Variants in KCNA2 observed in about 807,000 individuals in gnomAD.
KCNA2 encodes potassium channel, voltage gated shaker related subfamily A, member 2.
In KCNA2, 11 loss-of-function variants were observed where a neutral mutation model predicts 33.4. The observed-to-expected ratio is 0.33, with a 90% confidence interval of 0.21 to 0.55. KCNA2 has a LOEUF of 0.55. KCNA2 is among the 20% of genes least tolerant of loss of function. KCNA2 has a pLI of 0.93. For synonymous variants in KCNA2, 222 were observed against 231.3 expected (o/e 0.96, Z 0.37); for missense variants, 291 against 621.6 (o/e 0.47, Z 5.66).
At position 110,615,790 on chromosome 1, in the gene KCNA2, G is replaced by A. The variant is rs1472692468; in HGVS notation, c.-495-10068C>T. On this transcript the variant is annotated intron_variant, in intron 1 of 4. Transcript: ENST00000369770. ...TGACTTAGGAGTGGAAGAGAGCCTG[G>A]GGCACAAACGACAGCTAGGAGGAGG... 2.6e-5 allele frequency among the ~76,000 whole-genome samples: 4 copies of A among 152,186 alleles called. No individual in the cohort carries two copies. In the South Asian group the frequency reaches 8.3e-4, roughly 32 times the overall value.
At chr1:110,618,864 C>A (rs577526149) in intron 1 of KCNA2, among the ~76,000 whole-genome samples, 1 of 152,188 alleles carries the variant, frequency 6.6e-6, no homozygotes, top group African/African-American at 2.4e-5. Flanking sequence ...TTATCTCTTC[C>A]GGCAGGCGAA....
upstream of KCNA2, among the ~76,000 whole-genome samples, chr1:110,607,063 C>T (rs1018604547): frequency 7.9e-5 from 12 of 151,986 alleles, no homozygotes; most frequent in Non-Finnish European, 1.5e-4. Context: ...GGTGCAAGTT[C>T]CCCTTGATCT....
Position 110,601,786 on chromosome 1 carries a change from A to ATGTGTG in KCNA2, c.*1496_*1497insCACACA, listed in dbSNP as rs1553180975. On this transcript the variant is annotated 3_prime_UTR_variant, in exon 3 of 3. Coordinates refer to ENST00000316361, the MANE Select transcript of KCNA2 (RefSeq NM_004974.4). ...TGAACTCCAGAAAATGAATATATAT[A>ATGTGTG]TATATATATGTGTGTGTGTGTGTGT... 4 of 1,160,662 alleles carry ATGTGTG rather than the reference A, an allele frequency of 3.4e-6. No homozygotes were observed. The highest frequency in any genetic ancestry group is 5.4e-5 in the Admixed American group (1 of 18,546). 71.9% of individuals were successfully genotyped at this position (1,160,662 alleles called of 1,614,324 possible).
rs376514916 is a variant in KCNA2 at position 110,594,840 on chromosome 1, C to G, written c.*8443G>C. The G allele has an allele frequency of 2.0e-6, 2 of 985,306 alleles. No individual in the cohort carries two copies. The allele number at this position is 985,306 out of a possible 1,614,324, so 61.0% of individuals were successfully genotyped here. A position where few individuals can be genotyped will look rare whatever the true frequency, so the allele number is the denominator to read the frequency against. Reference sequence around the variant, plus strand: ...TGGAGCTGATGTGCTCCTTTCCAGCCCCACCTGGCAGGTCAAAGTCCTTGC... The same window carrying G: ...TGGAGCTGATGTGCTCCTTTCCAGCGCCACCTGGCAGGTCAAAGTCCTTGC... On this transcript the variant is annotated 3_prime_UTR_variant, in exon 3 of 3. Transcript: ENST00000316361.
Position 110,601,680 on chromosome 1 carries a change from G to C in KCNA2, c.*1603C>G, listed in dbSNP as rs1649349924. ...GGCAATGGCAGCAAACCCAGGCCCA[G>C]TGGGGTTACCAATGAGACAAATTAA... On this transcript the variant is annotated 3_prime_UTR_variant, in exon 3 of 3. Transcript: ENST00000316361. 30 of 1,083,122 alleles carry C rather than the reference G, an allele frequency of 2.8e-5. No individual in the cohort carries two copies. The highest frequency in any genetic ancestry group is 3.0e-5 in the Non-Finnish European group (27 of 894,692). The allele number at this position is 1,083,122 out of a possible 1,614,324, so 67.1% of individuals were successfully genotyped here.
chr1:110,605,224 T>G (rs1047885203), intron 2 of KCNA2, among the ~76,000 whole-genome samples, 167 bp downstream of exon 2: 6 of 152,092 alleles, frequency 3.9e-5, no homozygotes, highest in African/African-American at 1.4e-4. Context: ...CATAACCCCA[T>G]GCTAATAGGT....
At position 110,601,339 on chromosome 1, in the gene KCNA2, T is replaced by A; in HGVS notation, c.*1944A>T. ...TTTGGTCCCAGGGAGTCCTACTCCTTGGTGTCCTTGGTTTCAAAGCAGGGG... is the reference window on the plus strand; with the variant it reads ...TTTGGTCCCAGGGAGTCCTACTCCTAGGTGTCCTTGGTTTCAAAGCAGGGG... On this transcript the variant is annotated 3_prime_UTR_variant, in exon 3 of 3. Coordinates refer to ENST00000316361, the MANE Select transcript of KCNA2 (RefSeq NM_004974.4). 1 of 985,412 alleles carries A rather than the reference T, an allele frequency of 1.0e-6. No individual in the cohort carries two copies. Among genetic ancestry groups the A allele is most frequent in the East Asian group, 1.1e-4 (1 of 8,810 alleles). 61.0% of individuals were successfully genotyped at this position (985,412 alleles called of 1,614,324 possible).
Position 110,601,933 on chromosome 1 carries a change from A to G in KCNA2, c.*1350T>C. On this transcript the variant is annotated 3_prime_UTR_variant, in exon 3 of 3. Coordinates refer to ENST00000316361, the MANE Select transcript of KCNA2 (RefSeq NM_004974.4). ...CAAAAATATTGCATAAGCTTGTACA[A>G]TGTTCAAATGCAATTTCTTTTCTAT... The G allele has an allele frequency of 6.7e-7, 1 of 1,488,894 alleles. No homozygotes were observed. The highest frequency in any genetic ancestry group is 1.3e-5 in the South Asian group (1 of 74,872). The allele number at this position is 1,488,894 out of a possible 1,614,324, so 92.2% of individuals were successfully genotyped here. A position where few individuals can be genotyped will look rare whatever the true frequency, so the allele number is the denominator to read the frequency against.
chr1:110,612,623 C>T (rs1397927757), intron 1 of KCNA2, among the ~76,000 whole-genome samples: 1 of 152,220 alleles, frequency 6.6e-6, no homozygotes, highest in Non-Finnish European at 1.5e-5. Context: ...TGTCTTCAGA[C>T]TTGTTCCCCT....
Position 110,604,677 on chromosome 1 carries a change from C to G in KCNA2, c.106G>C (p.Val36Leu). 6.2e-7 allele frequency: 1 copy of G among 1,614,180 alleles called. No homozygotes were observed. Among genetic ancestry groups the G allele is most frequent in the Non-Finnish European group, 8.5e-7 (1 of 1,180,028 alleles). ...AACCGCAGCCCTGAGATGTTGATCA[C>G]CACCCTCTCACAGCACTCGTGGTCT... is the stretch of plus-strand genomic sequence containing the variant. ...EADHECCERV[V>L]INISGLRFET... The change falls in exon 3 of 3, where the codon GTG becomes CTG. Residue 36 changes from valine (V) to leucine (L), a missense_variant. Val to Leu is a conservative substitution (Grantham distance 32). Transcript: ENST00000316361. The surrounding 1 kb of genome is among the most constrained non-coding windows in gnomAD (Gnocchi z 7.6).
chr1:110,616,110 G>A (rs550040848), intron 1 of KCNA2, among the ~76,000 whole-genome samples: 2 of 152,336 alleles, frequency 1.3e-5, no homozygotes, highest in South Asian at 4.1e-4. Context: ...ATGCTTTAAG[G>A]GTTCTGCATG....
chr1:110,602,676 G>T lies in KCNA2; in HGVS notation c.*607C>A. The T allele has an allele frequency of 1.0e-6, 1 of 994,156 alleles. No homozygotes were observed. Among genetic ancestry groups the T allele is most frequent in the Non-Finnish European group, 1.2e-6 (1 of 835,634 alleles). The allele number at this position is 994,156 out of a possible 1,614,324, so 61.6% of individuals were successfully genotyped here. On this transcript the variant is annotated 3_prime_UTR_variant, in exon 3 of 3. Coordinates refer to ENST00000316361, the MANE Select transcript of KCNA2 (RefSeq NM_004974.4). ...CCCGGGCTTCCCTCACATCGACACTGCAGAGAAAAAGCAGAATGCAGCATT... is the reference window on the plus strand; with the variant it reads ...CCCGGGCTTCCCTCACATCGACACTTCAGAGAAAAAGCAGAATGCAGCATT...
Position 110,599,552 on chromosome 1 carries a change from A to G in KCNA2, c.*3731T>C. On this transcript the variant is annotated 3_prime_UTR_variant, in exon 3 of 3. Transcript: ENST00000316361. ...CCCTTTGGGCTTATGCACAAGAGCA[A>G]GTGAAATGCCACAAGCAAGTAAAGG... is the stretch of plus-strand genomic sequence containing the variant. 2 of 985,484 alleles carry G rather than the reference A, an allele frequency of 2.0e-6. No homozygotes were observed. Among genetic ancestry groups the G allele is most frequent in the Non-Finnish European group, 2.4e-6 (2 of 829,958 alleles). The allele number at this position is 985,484 out of a possible 1,614,324, so 61.0% of individuals were successfully genotyped here. A position where few individuals can be genotyped will look rare whatever the true frequency, so the allele number is the denominator to read the frequency against.
chr1:110,601,995 C>T lies in KCNA2; in HGVS notation c.*1288G>A. ...TAGAGGAACGCGTGAAAGAGAGATA[C>T]TCGATATATATTTATATACACTGGA... On this transcript the variant is annotated 3_prime_UTR_variant, in exon 3 of 3. Coordinates refer to ENST00000316361, the MANE Select transcript of KCNA2 (RefSeq NM_004974.4). 2 of 1,538,418 alleles carry T rather than the reference C, an allele frequency of 1.3e-6. No homozygotes were observed. Among genetic ancestry groups the T allele is most frequent in the Non-Finnish European group, 1.8e-6 (2 of 1,138,886 alleles).
At position 110,594,306 on chromosome 1, in the gene KCNA2, TAC is replaced by T. The variant is rs1196673259; in HGVS notation, c.*8975_*8976del. The T allele has an allele frequency of 4.5e-6, 4 of 884,074 alleles. No individual in the cohort carries two copies. Among genetic ancestry groups the T allele is most frequent in the African/African-American group, 1.9e-5 (1 of 51,408 alleles). 54.8% of individuals were successfully genotyped at this position (884,074 alleles called of 1,614,324 possible). On this transcript the variant is annotated 3_prime_UTR_variant, in exon 3 of 3. Coordinates refer to ENST00000316361, the MANE Select transcript of KCNA2 (RefSeq NM_004974.4). ...CTCTCTCTCTCTCTATATATATATA[TAC>T]ATATATATATATATGTGTGTGTATA...
chr1:110,595,502 G>A lies in KCNA2; in HGVS notation c.*7781C>T. The A allele has an allele frequency of 1.0e-6, 1 of 985,388 alleles. No individual in the cohort carries two copies. The highest frequency in any genetic ancestry group is 1.2e-6 in the Non-Finnish European group (1 of 829,952). The allele number at this position is 985,388 out of a possible 1,614,324, so 61.0% of individuals were successfully genotyped here. A position where few individuals can be genotyped will look rare whatever the true frequency, so the allele number is the denominator to read the frequency against. On this transcript the variant is annotated 3_prime_UTR_variant, in exon 3 of 3. Transcript: ENST00000316361. ...CAGACACCCCTGCACCACTTCAATTGCTCCAGATACAGTGAAAAATCCCTC... is the reference window on the plus strand; with the variant it reads ...CAGACACCCCTGCACCACTTCAATTACTCCAGATACAGTGAAAAATCCCTC...
In KCNA2 at chr1:110,594,799, A is replaced by C; in HGVS notation, c.*8484T>G. 1.0e-6 allele frequency: 1 copy of C among 985,550 alleles called. No individual in the cohort carries two copies. The highest frequency in any genetic ancestry group is 1.1e-4 in the East Asian group (1 of 8,830). The allele number at this position is 985,550 out of a possible 1,614,324, so 61.1% of individuals were successfully genotyped here. A position where few individuals can be genotyped will look rare whatever the true frequency, so the allele number is the denominator to read the frequency against. ...GCCAGGCCTCTCTTCTTGCTTTTCT[A>C]TCCCATTTCTTAGCCTGGAGCTGAT... On this transcript the variant is annotated 3_prime_UTR_variant, in exon 3 of 3. Transcript: ENST00000316361.
At position 110,601,901 on chromosome 1, in the gene KCNA2, C is replaced by T; in HGVS notation, c.*1382G>A. On this transcript the variant is annotated 3_prime_UTR_variant, in exon 3 of 3. Coordinates refer to ENST00000316361, the MANE Select transcript of KCNA2 (RefSeq NM_004974.4). Reference sequence around the variant, plus strand: ...ATAGTCAAACACATGCATAAATTGCCCTTTGTCAAAAATATTGCATAAGCT... The same window carrying T: ...ATAGTCAAACACATGCATAAATTGCTCTTTGTCAAAAATATTGCATAAGCT... The T allele has an allele frequency of 1.4e-6, 2 of 1,452,432 alleles. No individual in the cohort carries two copies. Among genetic ancestry groups the T allele is most frequent in the Admixed American group, 4.9e-5 (2 of 40,962 alleles). 90.0% of individuals were successfully genotyped at this position (1,452,432 alleles called of 1,614,324 possible).
Position 110,597,474 on chromosome 1 carries a change from G to C in KCNA2, c.*5809C>G. ...CTGTATGACAGCAGGCAGAAATGGG[G>C]AGACAGAGGGAGAGGGGACAGAGAC... On this transcript the variant is annotated 3_prime_UTR_variant, in exon 3 of 3. Coordinates refer to ENST00000316361, the MANE Select transcript of KCNA2 (RefSeq NM_004974.4). 8 of 985,442 alleles carry C rather than the reference G, an allele frequency of 8.1e-6. No homozygotes were observed. Among genetic ancestry groups the C allele is most frequent in the Non-Finnish European group, 9.6e-6 (8 of 829,946 alleles). 61.0% of individuals were successfully genotyped at this position (985,442 alleles called of 1,614,324 possible).
Sources: allele counts gnomAD v4.1 joint callset (sites outside exome capture counted in the v4.1 genomes callset), GRCh38; gene constraint gnomAD v4.1.1; non-coding constraint Gnocchi (gnomAD v3.1); transcripts MANE v1.5; gene names NCBI Gene and HGNC (gene_info 2026-07-23, HGNC 2026-07-21).